Variants in CNTNAP5 observed in about 807,000 individuals in gnomAD.
CNTNAP5 encodes contactin-associated protein-like 5.
Under a neutral mutation model 150.2 loss-of-function variants are expected in CNTNAP5, and 72 were observed. The ratio of observed to expected loss-of-function variants is 0.48; its 90% CI spans 0.40 to 0.58. The LOEUF is 0.58. Among genes scored for constraint, CNTNAP5 ranks in the 20% least tolerant of loss-of-function variants. The pLI, the probability that CNTNAP5 is intolerant of heterozygous loss-of-function variation, is 0.00. For synonymous variants in CNTNAP5, 672 were observed against 619.8 expected (o/e 1.08, Z -1.25); for missense variants, 1,636 against 1,626.2 (o/e 1.01, Z -0.10).
chr2:124,355,538 G>A (rs897213244), intron 3 of CNTNAP5, among the ~76,000 whole-genome samples: 1 of 152,068 alleles, frequency 6.6e-6, no homozygotes, highest in African/African-American at 2.4e-5. Context: ...TATGCTGCAT[G>A]ATTTGTCTTT....
intron 1 of CNTNAP5, among the ~76,000 whole-genome samples, chr2:124,142,935 A>G (rs1185246142): frequency 1.4e-5 from 2 of 139,592 alleles, no homozygotes; most frequent in African/African-American, 2.7e-5. Flanking sequence ...TCAAATAGAC[A>G]CAATAAAAAA....
intron 12 of CNTNAP5, 25 bp downstream of exon 12, chr2:124,609,945 C>T (rs1205737124): frequency 6.3e-7 from 1 of 1,590,872 alleles, no homozygotes; most frequent in Non-Finnish European, 8.6e-7. Context: ...GCCCTACTCA[C>T]ACTTAACCAC....
chr2:124,409,285 C>A (rs146348239), intron 3 of CNTNAP5, among the ~76,000 whole-genome samples: 5,378 of 55,900 alleles, frequency 0.096, 206 homozygotes, highest in Non-Finnish European at 0.12. Context: ...AGAATGGAAC[C>A]AAGTTGGAAA....
chr2:124,550,983 GCTTTGAAGAACTGGC>G (rs1157229506), intron 10 of CNTNAP5, among the ~76,000 whole-genome samples: 7 of 152,086 alleles, frequency 4.6e-5, no homozygotes, highest in Admixed American at 1.3e-4. Flanking sequence ...AATGTCCTCT[GCTTTGAAGAACTGGC>G]CTTTGAAGAA....
intron 19 of CNTNAP5, among the ~76,000 whole-genome samples, chr2:124,804,400 G>A (rs534921263): frequency 4.6e-5 from 7 of 152,242 alleles, no homozygotes; most frequent in Admixed American, 3.9e-4. Flanking sequence ...CTTTGTTGTT[G>A]TTTATGCTTT....
At chr2:124,731,606 G>T (rs879873215) in intron 13 of CNTNAP5, among the ~76,000 whole-genome samples, 2 of 151,230 alleles carry the variant, frequency 1.3e-5, no homozygotes, top group Non-Finnish European at 3.0e-5. Context: ...AGAGACAAAT[G>T]CAGAGACAGA....
At chr2:124,824,966 C>G (rs986133616) in intron 19 of CNTNAP5, among the ~76,000 whole-genome samples, 1 of 152,138 alleles carries the variant, frequency 6.6e-6, no homozygotes, top group Non-Finnish European at 1.5e-5. Context: ...TTCAGTCCAC[C>G]CTTTTATTCC....
Position 124,569,888 on chromosome 2 carries a change from G to A in CNTNAP5, c.1756+6565G>A, listed in dbSNP as rs562283079. ...AGGGACAACACTTGCTTTAACAGTAGGTAAATGGTCCTTTGACTGCATGTA... is the reference window on the plus strand; with the variant it reads ...AGGGACAACACTTGCTTTAACAGTAAGTAAATGGTCCTTTGACTGCATGTA... On this transcript the variant is annotated intron_variant, in intron 11 of 23. Transcript: ENST00000682447. Among the ~76,000 whole-genome samples the A allele has an allele frequency of 6.5e-4, 99 of 152,246 alleles. 2 individuals carry two copies. The highest frequency in any genetic ancestry group is 6.5e-3 in the Admixed American group (99 of 15,288).
chr2:124,155,428 G>A (rs1308025276), intron 1 of CNTNAP5, among the ~76,000 whole-genome samples: 1 of 151,994 alleles, frequency 6.6e-6, no homozygotes, highest in Non-Finnish European at 1.5e-5. Flanking sequence ...GGCAGCAAAT[G>A]TTAAATGAAT....
At chr2:124,809,586 TA>T (rs58645703) in intron 19 of CNTNAP5, among the ~76,000 whole-genome samples, 109,819 of 150,454 alleles carry the variant, frequency 0.73, 40,594 homozygotes, top group East Asian at 0.86. Context: ...ACATGATCTT[TA>T]AAAAAAAACC....
intron 19 of CNTNAP5, among the ~76,000 whole-genome samples, chr2:124,838,087 A>G (rs903765300): frequency 6.6e-6 from 1 of 152,174 alleles, no homozygotes; most frequent in Non-Finnish European, 1.5e-5. Context: ...GATTCTTTGT[A>G]GAATGTCTGC....
chr2:124,045,293 C>CTTTCCT (rs1681499423), intron 1 of CNTNAP5, among the ~76,000 whole-genome samples: 1 of 138,434 alleles, frequency 7.2e-6, no homozygotes, highest in African/African-American at 2.7e-5. Flanking sequence ...TTTTCTTTTC[C>CTTTCCT]TTTTTTTTTT....
chr2:124,840,504 G>A (rs189771326), intron 19 of CNTNAP5, among the ~76,000 whole-genome samples: 3 of 152,058 alleles, frequency 2.0e-5, no homozygotes, highest in Non-Finnish European at 2.9e-5. Context: ...TCCAGCAAAC[G>A]AAAGGTGGAC....
At chr2:124,269,037 C>A (rs1001429399) in intron 3 of CNTNAP5, among the ~76,000 whole-genome samples, 1 of 152,008 alleles carries the variant, frequency 6.6e-6, no homozygotes, top group Non-Finnish European at 1.5e-5. Context: ...CCCTTTAAAG[C>A]AGGAAGCCCA....
At chr2:124,903,143 C>A in intron 22 of CNTNAP5, 43 bp downstream of exon 22, 2 of 1,276,470 alleles carry the variant, frequency 1.6e-6, no homozygotes, top group Non-Finnish European at 2.1e-6. Flanking sequence ...GTCACTAGCA[C>A]TACTTTTTGT....
intron 7 of CNTNAP5, among the ~76,000 whole-genome samples, chr2:124,502,799 A>T (rs1030444131): frequency 3.3e-5 from 5 of 152,132 alleles, no homozygotes; most frequent in African/African-American, 1.2e-4. Flanking sequence ...AAATGGTAGC[A>T]CTCAGTGCAG....
chr2:124,338,709 C>G (rs1304467585), intron 3 of CNTNAP5, among the ~76,000 whole-genome samples: 1 of 152,044 alleles, frequency 6.6e-6, no homozygotes. Flanking sequence ...CCCTTCTCTG[C>G]CATTGGAGGT....
chr2:124,445,081 C>CTTTT (rs1006938474), intron 5 of CNTNAP5, among the ~76,000 whole-genome samples: 2 of 131,824 alleles, frequency 1.5e-5, no homozygotes, highest in Non-Finnish European at 1.6e-5. Context: ...ACACAAATAT[C>CTTTT]TTTTTTTTTT....
intron 3 of CNTNAP5, among the ~76,000 whole-genome samples, chr2:124,348,272 A>G (rs1689790694): frequency 6.6e-6 from 1 of 152,306 alleles, no homozygotes; most frequent in Non-Finnish European, 1.5e-5. Flanking sequence ...AGAATTTTCA[A>G]ATAGATTTTT....
Sources: gnomAD v4.1 joint callset for allele counts (sites outside exome capture counted in the v4.1 genomes callset) on GRCh38, gnomAD v4.1.1 for gene constraint, MANE v1.5 for transcripts, NCBI Gene and HGNC (gene_info 2026-07-23, HGNC 2026-07-21) for gene names.